Variants in ROBO1 observed in about 807,000 individuals in gnomAD.
ROBO1 encodes the protein roundabout guidance receptor 1.
A neutral mutation model predicts 195.9 loss-of-function variants in ROBO1; 149 were observed. That is an observed-to-expected ratio of 0.76 (90% CI 0.67 to 0.87). The LOEUF (loss-of-function observed/expected upper bound fraction) is 0.87. ROBO1 is among the 40% of genes least tolerant of loss of function. The pLI, the probability that ROBO1 is intolerant of heterozygous loss-of-function variation, is 0.00. For synonymous variants in ROBO1, 816 were observed against 733.2 expected (o/e 1.11, Z -1.82); for missense variants, 1,933 against 2,068.3 (o/e 0.93, Z 1.27).
At chr3:78,984,153 T>G (rs2108008286) in intron 3 of ROBO1, among the ~76,000 whole-genome samples, 1 of 152,306 alleles carries the variant, frequency 6.6e-6, no homozygotes, top group African/African-American at 2.4e-5. Context: ...ATTCCCTCAA[T>G]AATCTAATGA....
intron 2 of ROBO1, among the ~76,000 whole-genome samples, chr3:79,529,453 G>A (rs1303111590): frequency 6.6e-6 from 1 of 152,066 alleles, no homozygotes; most frequent in East Asian, 1.9e-4. Flanking sequence ...CTCCAGCCTG[G>A]GCGACAGAGT....
intron 2 of ROBO1, among the ~76,000 whole-genome samples, chr3:79,534,994 C>T (rs1251548957): frequency 1.3e-5 from 2 of 152,062 alleles, no homozygotes; most frequent in Non-Finnish European, 2.9e-5. Flanking sequence ...CTTGTCTGTG[C>T]TTTCCATAGT....
intron 1 of ROBO1, among the ~76,000 whole-genome samples, chr3:79,748,059 G>A (rs1311758796): frequency 2.0e-5 from 3 of 151,774 alleles, no homozygotes; most frequent in Non-Finnish European, 4.4e-5. Context: ...AAATACTACT[G>A]CAGATTTTGT....
At chr3:79,732,116 A>T (rs967594195) in intron 1 of ROBO1, among the ~76,000 whole-genome samples, 8 of 151,974 alleles carry the variant, frequency 5.3e-5, no homozygotes, top group Non-Finnish European at 1.5e-5. Context: ...ATGTTACTAT[A>T]TTAAATATTA....
intron 7 of ROBO1, chr3:78,715,361 T>C (rs1441256388): frequency 6.6e-6 from 1 of 152,102 alleles, no homozygotes; most frequent in Non-Finnish European, 1.5e-5. Context: ...GTCATCCAAT[T>C]TGTCATTTTA....
chr3:78,969,510 AG>A (rs1560063723), intron 3 of ROBO1, among the ~76,000 whole-genome samples: 2 of 152,216 alleles, frequency 1.3e-5, no homozygotes, highest in Non-Finnish European at 2.9e-5. Context: ...ACTCTAGATC[AG>A]GGTATTTGAA....
In ROBO1 at chr3:78,646,192, T is replaced by C. The variant is rs2107594330; in HGVS notation, c.2840-2A>G. The C allele has an allele frequency of 1.9e-6, 3 of 1,605,916 alleles. No individual in the cohort carries two copies. The highest frequency in any genetic ancestry group is 2.6e-6 in the Non-Finnish European group (3 of 1,174,578). On this transcript the variant is annotated splice_acceptor_variant, in intron 20 of 30. Transcript: ENST00000464233. LOFTEE classifies it high-confidence loss of function. ...CTTCGCCTCCTCTCTGGTAAGTTAC[T>C]AGAATGTTACGAAAAAAAAAAGGAA...
chr3:78,864,515 CATA>C (rs1215525548), intron 4 of ROBO1, among the ~76,000 whole-genome samples: 7 of 152,012 alleles, frequency 4.6e-5, no homozygotes, highest in Non-Finnish European at 8.8e-5. Flanking sequence ...CAAAGCAATG[CATA>C]ATATTTGAAC....
intron 3 of ROBO1, among the ~76,000 whole-genome samples, chr3:79,085,111 G>C (rs1470653651): frequency 6.6e-6 from 1 of 152,090 alleles, no homozygotes; most frequent in Non-Finnish European, 1.5e-5. Context: ...TACCTTTGGA[G>C]AGTTTTTTAA....
intron 2 of ROBO1, among the ~76,000 whole-genome samples, chr3:79,206,193 C>G (rs943334776): frequency 1.3e-5 from 2 of 152,148 alleles, no homozygotes; most frequent in African/African-American, 4.8e-5. Context: ...TGCTACCCAC[C>G]AGGTATTCAC....
At position 78,952,801 on chromosome 3, in the gene ROBO1, C is replaced by A. The variant is rs139999925; in HGVS notation, c.173-13874G>T. Among the ~76,000 whole-genome samples, 124 of 152,114 alleles carry A rather than the reference C, an allele frequency of 8.2e-4. 2 individuals are homozygous for A. The East Asian group carries it at 0.022, about 27-fold the overall frequency. Reference sequence around the variant, plus strand: ...ACATGATTACTACATAATGCCATTTCGCTCAGCTACTTTATTTTATTCTAA... The same window carrying A: ...ACATGATTACTACATAATGCCATTTAGCTCAGCTACTTTATTTTATTCTAA... On this transcript the variant is annotated intron_variant, in intron 3 of 30. Transcript: ENST00000464233.
intron 4 of ROBO1, among the ~76,000 whole-genome samples, chr3:78,880,225 T>C (rs951994247): frequency 6.6e-6 from 1 of 152,198 alleles, no homozygotes; most frequent in Non-Finnish European, 1.5e-5. Flanking sequence ...TAATTTAATA[T>C]GTGGTAAATC....
At chr3:79,373,374 T>A (rs918862286) in intron 2 of ROBO1, among the ~76,000 whole-genome samples, 1 of 152,288 alleles carries the variant, frequency 6.6e-6, no homozygotes, top group South Asian at 2.1e-4. Context: ...TGACCCAGAA[T>A]GTATGCAGCA....
chr3:79,028,520 C>A (rs113730408), intron 3 of ROBO1, among the ~76,000 whole-genome samples: 1 of 151,924 alleles, frequency 6.6e-6, no homozygotes, highest in East Asian at 1.9e-4. Flanking sequence ...TGAAGGTGTG[C>A]ATAATCTGAT....
At chr3:78,913,154 C>A (rs1030459465) in intron 4 of ROBO1, among the ~76,000 whole-genome samples, 1 of 151,998 alleles carries the variant, frequency 6.6e-6, no homozygotes, top group Non-Finnish European at 1.5e-5. Flanking sequence ...TGCATTTCTA[C>A]GATGGAATAA....
chr3:79,507,421 A>T (rs567027534), intron 2 of ROBO1, among the ~76,000 whole-genome samples: 34 of 152,316 alleles, frequency 2.2e-4, no homozygotes, highest in African/African-American at 8.2e-4. Flanking sequence ...ACTGCAACTT[A>T]CTACAACAAA....
intron 8 of ROBO1, among the ~76,000 whole-genome samples, chr3:78,696,352 C>T (rs1390214742): frequency 6.6e-6 from 1 of 152,012 alleles, no homozygotes; most frequent in Non-Finnish European, 1.5e-5. Context: ...AAAATGTTGG[C>T]ACTGGAAGTG....
chr3:79,305,398 A>G (rs966710874), intron 2 of ROBO1, among the ~76,000 whole-genome samples: 28 of 151,588 alleles, frequency 1.8e-4, no homozygotes, highest in African/African-American at 6.5e-4. Context: ...GAGGCAGGAG[A>G]ATCACTTGAA....
intron 3 of ROBO1, among the ~76,000 whole-genome samples, chr3:78,997,551 T>C (rs551877431): frequency 1.3e-5 from 2 of 152,278 alleles, no homozygotes. Context: ...TATTGGGTTC[T>C]AGGCACACAG....
Sources: allele counts gnomAD v4.1 joint callset (sites outside exome capture counted in the v4.1 genomes callset), GRCh38; gene constraint gnomAD v4.1.1; transcripts MANE v1.5; gene names NCBI Gene and HGNC (gene_info 2026-07-23, HGNC 2026-07-21).